Variants in ACTR3C observed in about 807,000 individuals in gnomAD.
ACTR3C encodes the protein actin related protein 3C.
A neutral mutation model predicts 26.3 loss-of-function variants in ACTR3C; 18 were observed. The observed-to-expected ratio is 0.68, with a 90% confidence interval of 0.47 to 1.01. ACTR3C has a LOEUF of 1.01. Ranked by LOEUF, ACTR3C falls within the 50% of genes least tolerant of loss-of-function variation. The probability of loss-of-function intolerance (pLI) is 0.00; values close to 1 mark genes in which losing one functional copy is unlikely to be tolerated. For missense variants in ACTR3C, 184 were observed against 250.7 expected (o/e 0.73, Z 1.80); for synonymous variants, 55 against 94.5 (o/e 0.58, Z 2.42).
intron 6 of ACTR3C, among the ~76,000 whole-genome samples, chr7:150,279,951 T>C (rs1485692528): frequency 6.6e-6 from 1 of 152,182 alleles, no homozygotes; most frequent in Non-Finnish European, 1.5e-5. Context: ...AACAGTGTCT[T>C]GTACCTAGTA....
At chr7:150,036,100 G>T in the ACTR3C span, among the ~76,000 whole-genome samples, 1 of 131,036 alleles carries the variant, frequency 7.6e-6, no homozygotes. Context: ...TGCGATGGGG[G>T]TGCAAAGAGC....
At chr7:150,080,225 C>T in the ACTR3C span, among the ~76,000 whole-genome samples, 5 of 150,540 alleles carry the variant, frequency 3.3e-5, no homozygotes, top group East Asian at 1.9e-4. Context: ...GGTTTGGATC[C>T]GCTGATCTAC....
chr7:150,040,360 A>G, the ACTR3C span, among the ~76,000 whole-genome samples: 2 of 148,052 alleles, frequency 1.4e-5, no homozygotes, highest in Non-Finnish European at 3.0e-5. Flanking sequence ...GCTTTGTCAG[A>G]TCGGGTAGCC....
intron 1 of ACTR3C, among the ~76,000 whole-genome samples, chr7:150,309,516 C>A (rs886989931): frequency 6.6e-6 from 1 of 152,222 alleles, no homozygotes; most frequent in African/African-American, 2.4e-5. Flanking sequence ...CAACTGCTTG[C>A]GCCTGCTGTA....
chr7:150,100,253 A>G, the ACTR3C span, among the ~76,000 whole-genome samples: 4 of 151,526 alleles, frequency 2.6e-5, no homozygotes, highest in Non-Finnish European at 4.4e-5. Flanking sequence ...GCAACCATAT[A>G]TCAGGCACTT....
At chr7:150,108,412 C>T in the ACTR3C span, among the ~76,000 whole-genome samples, 1 of 151,788 alleles carries the variant, frequency 6.6e-6, no homozygotes. Flanking sequence ...TGTGATAGGA[C>T]ATTTAAGTGG....
chr7:150,185,276 CGTGTGTGTGTGTGTGTGT>C, the ACTR3C span, among the ~76,000 whole-genome samples: 139 of 140,974 alleles, frequency 9.9e-4, no homozygotes, highest in Non-Finnish European at 1.8e-3. Flanking sequence ...AAATGTCAGG[CGTGTGTGTGTGTGTGTGT>C]GTGTGTGTGT....
chr7:150,175,475 T>C, the ACTR3C span, among the ~76,000 whole-genome samples: 1 of 149,096 alleles, frequency 6.7e-6, no homozygotes, highest in Non-Finnish European at 1.5e-5. Context: ...CTAAGTAGGC[T>C]TCTGTCTGCT....
At chr7:150,116,311 G>A in the ACTR3C span, among the ~76,000 whole-genome samples, 8 of 152,130 alleles carry the variant, frequency 5.3e-5, no homozygotes, top group Non-Finnish European at 7.4e-5. Flanking sequence ...GCAGTTTCAC[G>A]CACAAATCAT....
chr7:150,030,103 G>A, the ACTR3C span, among the ~76,000 whole-genome samples: 1 of 121,432 alleles, frequency 8.2e-6, no homozygotes, highest in African/African-American at 3.3e-5. Context: ...TATTTATGCA[G>A]TACCATGTAT....
the ACTR3C span, among the ~76,000 whole-genome samples, chr7:150,050,484 G>A: frequency 6.6e-6 from 1 of 152,142 alleles, no homozygotes; most frequent in Non-Finnish European, 1.5e-5. Context: ...TATGATAAGC[G>A]ATTTCTGCTT....
intron 1 of ACTR3C, 21 bp downstream of exon 1, chr7:150,323,448 C>A (rs1490824314): frequency 2.8e-6 from 1 of 352,414 alleles, no homozygotes; most frequent in Admixed American, 4.2e-5. Context: ...AGGCGGCGGG[C>A]GGCGGGGCTG....
At chr7:150,006,153 G>A in the ACTR3C span, among the ~76,000 whole-genome samples, 1 of 129,016 alleles carries the variant, frequency 7.8e-6, no homozygotes, top group East Asian at 2.3e-4. Flanking sequence ...GGAACCTAAA[G>A]GCTTCCCAAT....
At chr7:150,029,446 G>A in the ACTR3C span, among the ~76,000 whole-genome samples, 3 of 150,244 alleles carry the variant, frequency 2.0e-5, no homozygotes, top group Non-Finnish European at 2.9e-5. Context: ...GAGTGGGTGT[G>A]GTGGCATGCA....
At chr7:150,288,562 C>T (rs1835962972) in intron 4 of ACTR3C, among the ~76,000 whole-genome samples, 2 of 145,824 alleles carry the variant, frequency 1.4e-5, no homozygotes, top group South Asian at 2.4e-4. Context: ...TTCTGACTTA[C>T]ATTTCTAACA....
chr7:150,290,617 G>T (rs1461228805), intron 3 of ACTR3C, among the ~76,000 whole-genome samples: 1 of 152,206 alleles, frequency 6.6e-6, no homozygotes, highest in African/African-American at 2.4e-5. Context: ...GCTGCATCTA[G>T]TCACCAGTAA....
the ACTR3C span, among the ~76,000 whole-genome samples, chr7:150,124,513 T>G: frequency 6.6e-6 from 1 of 151,992 alleles, no homozygotes; most frequent in Admixed American, 6.5e-5. Flanking sequence ...AGAAGATGTA[T>G]AAAGCTGTCT....
At chr7:150,043,638 C>T in the ACTR3C span, among the ~76,000 whole-genome samples, 623 of 152,328 alleles carry the variant, frequency 4.1e-3, 4 homozygotes, top group African/African-American at 0.014. Flanking sequence ...CATGCTCCTG[C>T]AATATCCATG....
chr7:149,978,826 G>A, the ACTR3C span, among the ~76,000 whole-genome samples: 7 of 152,016 alleles, frequency 4.6e-5, no homozygotes, highest in African/African-American at 1.7e-4. Context: ...ATTGTCTTTG[G>A]CAAGTTCAAT....
Sources: gnomAD v4.1 joint callset for allele counts (sites outside exome capture counted in the v4.1 genomes callset) on GRCh38, gnomAD v4.1.1 for gene constraint, MANE v1.5 for transcripts, NCBI Gene and HGNC (gene_info 2026-07-23, HGNC 2026-07-21) for gene names.